The following COX10 variants were observed in gnomAD, a reference collection of about 807,000 sequenced individuals.
The protein encoded by COX10 is protoheme IX farnesyltransferase, mitochondrial.
COX10 carries 27 observed loss-of-function variants against 37.3 expected under a neutral mutation model. The ratio of observed to expected loss-of-function variants is 0.72; its 90% CI spans 0.53 to 1.00. The LOEUF (loss-of-function observed/expected upper bound fraction) is 1.00, where lower values mean the gene tolerates loss of function less well. Among genes scored for constraint, COX10 ranks in the 50% least tolerant of loss-of-function variants. The pLI is 0.00. For synonymous variants in COX10, 222 were observed against 229.1 expected (o/e 0.97, Z 0.28); for missense variants, 475 against 563.2 (o/e 0.84, Z 1.59).
intron 5 of COX10, among the ~76,000 whole-genome samples, chr17:14,187,715 A>C (rs530502318): frequency 3.3e-5 from 5 of 152,216 alleles, no homozygotes; most frequent in Non-Finnish European, 7.3e-5. Flanking sequence ...TTGCATTTGG[A>C]GTACCTTTGC....
At chr17:14,130,817 C>T (rs1481814313) in intron 4 of COX10, among the ~76,000 whole-genome samples, 1 of 151,934 alleles carries the variant, frequency 6.6e-6, no homozygotes, top group Non-Finnish European at 1.5e-5. Context: ...CCTTTTTCTT[C>T]TCCTTTGCTC....
intron 4 of COX10, among the ~76,000 whole-genome samples, chr17:14,138,032 A>G (rs1904430856): frequency 6.8e-6 from 1 of 147,162 alleles, no homozygotes; most frequent in Admixed American, 6.9e-5. Context: ...TCTTACTCTG[A>G]TTCTGATTCT....
intron 4 of COX10, among the ~76,000 whole-genome samples, chr17:14,141,040 G>C (rs545441938): frequency 7.2e-5 from 11 of 151,826 alleles, no homozygotes; most frequent in Admixed American, 7.2e-4. Flanking sequence ...ATATCGTCTA[G>C]GATTTTTTTT....
At position 14,207,516 on chromosome 17, in the gene COX10, A is replaced by T. The variant is rs1484199591; in HGVS notation, c.*303A>T. ...TTTCTTCCTCCTCACATGGGGGTAC[A>T]CATACACAGCTTCCTCTTTTGGTTC... is the stretch of plus-strand genomic sequence containing the variant. On this transcript the variant is annotated 3_prime_UTR_variant, in exon 7 of 7. Transcript: ENST00000261643. 1.2e-5 allele frequency: 4 copies of T among 331,980 alleles called. No homozygotes were observed. Among genetic ancestry groups the T allele is most frequent in the Non-Finnish European group, 2.2e-5 (4 of 179,580 alleles). The allele number at this position is 331,980 out of a possible 1,614,324, so 20.6% of individuals were successfully genotyped here. A position where few individuals can be genotyped will look rare whatever the true frequency, so the allele number is the denominator to read the frequency against.
At chr17:14,080,878 T>C (rs1226681341) in intron 3 of COX10, among the ~76,000 whole-genome samples, 1 of 152,252 alleles carries the variant, frequency 6.6e-6, no homozygotes, top group African/African-American at 2.4e-5. Flanking sequence ...ATTTGTTTTT[T>C]TCATGCCTAG....
At chr17:14,179,192 C>T in intron 5 of COX10, 2 of 968,896 alleles carry the variant, frequency 2.1e-6, no homozygotes, top group Non-Finnish European at 2.5e-6. Flanking sequence ...TTCATGTTCT[C>T]CTTGTTTTCA....
intron 4 of COX10, among the ~76,000 whole-genome samples, chr17:14,109,076 T>G (rs750510743): frequency 6.6e-6 from 1 of 152,178 alleles, no homozygotes; most frequent in Non-Finnish European, 1.5e-5. Flanking sequence ...ACTTTGATGT[T>G]TTAGCTGCTG....
chr17:14,077,922 ATTT>A (rs58059969), intron 3 of COX10, among the ~76,000 whole-genome samples: 136,625 of 143,156 alleles, frequency 0.95, 65,232 homozygotes, highest in Non-Finnish European at 0.98. Context: ...GGAAAGAGTG[ATTT>A]TTTTTTTTTT....
At chr17:14,120,527 G>A (rs1243688462) in intron 4 of COX10, among the ~76,000 whole-genome samples, 1 of 152,156 alleles carries the variant, frequency 6.6e-6, no homozygotes, top group Non-Finnish European at 1.5e-5. Context: ...GATGTGAACT[G>A]AAGACTGGAA....
At chr17:14,078,205 ACT>A (rs1915199978) in intron 3 of COX10, among the ~76,000 whole-genome samples, 2 of 151,724 alleles carry the variant, frequency 1.3e-5, no homozygotes, top group African/African-American at 4.8e-5. Context: ...TTCTAAAGAA[ACT>A]CTCTTTTGTC....
At position 14,160,038 on chromosome 17, in the gene COX10, C is replaced by T. The variant is rs1466787604; in HGVS notation, c.695+91C>T. 7 of 1,165,270 alleles carry T rather than the reference C, an allele frequency of 6.0e-6. No homozygotes were observed. In the East Asian group the frequency reaches 7.3e-5, roughly 12 times the overall value. The allele number at this position is 1,165,270 out of a possible 1,614,324, so 72.2% of individuals were successfully genotyped here. A position where few individuals can be genotyped will look rare whatever the true frequency, so the allele number is the denominator to read the frequency against. ...TTTCCCACTATTTTGCTTTGAGCTG[C>T]GAAGTGGAAATAAAATACCCACAAA... On this transcript the variant is annotated intron_variant, in intron 5 of 6. Coordinates refer to ENST00000261643, the MANE Select transcript of COX10 (RefSeq NM_001303.4).
intron 4 of COX10, among the ~76,000 whole-genome samples, chr17:14,124,166 A>G (rs1301014033): frequency 2.0e-5 from 3 of 152,148 alleles, no homozygotes; most frequent in African/African-American, 7.2e-5. Flanking sequence ...TGTTGCATCA[A>G]ATATTGCAGG....
At chr17:14,098,646 A>G (rs1217040977) in intron 3 of COX10, among the ~76,000 whole-genome samples, 2 of 152,190 alleles carry the variant, frequency 1.3e-5, no homozygotes, top group Non-Finnish European at 2.9e-5. Context: ...GTGTGCAGGT[A>G]AAACTAAATG....
chr17:14,177,416 TTCC>T (rs1373291679), intron 5 of COX10: 1 of 419,894 alleles, frequency 2.4e-6, no homozygotes, highest in Non-Finnish European at 4.1e-6. Flanking sequence ...TCTTCCTGTT[TTCC>T]TCCTATTTAA....
chr17:14,072,768 A>C (rs1016489141), intron 1 of COX10, among the ~76,000 whole-genome samples: 2 of 152,192 alleles, frequency 1.3e-5, no homozygotes, highest in African/African-American at 4.8e-5. Flanking sequence ...TGGGGTTGTG[A>C]TAGTTCTCCT....
chr17:14,127,736 TTAAAAG>T (rs1916375431), intron 4 of COX10, among the ~76,000 whole-genome samples: 2 of 152,152 alleles, frequency 1.3e-5, no homozygotes, highest in Admixed American at 6.5e-5. Flanking sequence ...TATTTAAAAA[TTAAAAG>T]TAATATTCTT....
intron 4 of COX10, among the ~76,000 whole-genome samples, chr17:14,116,574 G>A (rs1165908914): frequency 1.3e-5 from 2 of 152,034 alleles, no homozygotes; most frequent in Admixed American, 1.3e-4. Flanking sequence ...CAGAAATGCT[G>A]GAGTCATCAA....
intron 3 of COX10, among the ~76,000 whole-genome samples, chr17:14,087,329 TC>T (rs1187870263): frequency 6.6e-6 from 1 of 152,198 alleles, no homozygotes; most frequent in Non-Finnish European, 1.5e-5. Flanking sequence ...GCATATTGAT[TC>T]ATTTTACCTC....
At chr17:14,134,774 G>T (rs1916542517) in intron 4 of COX10, among the ~76,000 whole-genome samples, 1 of 150,678 alleles carries the variant, frequency 6.6e-6, no homozygotes, top group Admixed American at 6.6e-5. Flanking sequence ...ATTGCCCTCG[G>T]TGTTTTTTTT....
Sources: gnomAD v4.1 joint callset for allele counts (sites outside exome capture counted in the v4.1 genomes callset) on GRCh38, gnomAD v4.1.1 for gene constraint, MANE v1.5 for transcripts, NCBI Gene and HGNC (gene_info 2026-07-23, HGNC 2026-07-21) for gene names.